Variants in SHROOM4 observed in about 807,000 individuals in gnomAD.
SHROOM4 encodes the protein protein Shroom4.
A neutral mutation model predicts 80.3 loss-of-function variants in SHROOM4; 17 were observed. The ratio of observed to expected loss-of-function variants is 0.21; its 90% CI spans 0.14 to 0.32. The LOEUF is 0.32. Among genes scored for constraint, SHROOM4 ranks in the 10% least tolerant of loss-of-function variants. The probability of loss-of-function intolerance (pLI) is 1.00; values close to 1 mark genes in which losing one functional copy is unlikely to be tolerated. For synonymous variants in SHROOM4, 400 were observed against 437.5 expected (o/e 0.91, Z 1.07); for missense variants, 993 against 1,140.3 (o/e 0.87, Z 1.86).
intron 5 of SHROOM4, among the ~76,000 whole-genome samples, chrX:50,613,519 ATTAG>A (rs782016096): frequency 3.6e-5 from 4 of 112,476 alleles, no homozygotes; most frequent in South Asian, 7.4e-4. Context: ...AGATGCAACA[ATTAG>A]TTAGAATATA....
At chrX:50,642,387 G>A (rs1557257306) in intron 2 of SHROOM4, among the ~76,000 whole-genome samples, 1 of 112,181 alleles carries the variant, frequency 8.9e-6, no homozygotes, top group East Asian at 2.8e-4. Context: ...GATGTGCCAG[G>A]CACTAAGCAT....
At chrX:50,706,538 T>C (rs1310614919) in intron 1 of SHROOM4, among the ~76,000 whole-genome samples, 1 of 112,027 alleles carries the variant, frequency 8.9e-6, no homozygotes, top group Non-Finnish European at 1.9e-5. Flanking sequence ...ATATTTTCAC[T>C]TTGTTTTTCA....
intron 1 of SHROOM4, among the ~76,000 whole-genome samples, chrX:50,735,920 T>G (rs1267344348): frequency 6.5e-5 from 7 of 107,048 alleles, no homozygotes; most frequent in Non-Finnish European, 1.2e-4. Context: ...GGCAGGAGAA[T>G]AGCTTGAACC....
chrX:50,754,725 A>G (rs1181264296), intron 1 of SHROOM4, among the ~76,000 whole-genome samples: 1 of 111,881 alleles, frequency 8.9e-6, no homozygotes, highest in African/African-American at 3.2e-5. Context: ...AAAGAGATTA[A>G]CCCACTATCC....
At chrX:50,688,245 T>A (rs958666861) in intron 2 of SHROOM4, among the ~76,000 whole-genome samples, 9 of 111,119 alleles carry the variant, frequency 8.1e-5, no homozygotes, top group Non-Finnish European at 1.3e-4. Flanking sequence ...TATATACATA[T>A]ATGTATGTAT....
intron 1 of SHROOM4, among the ~76,000 whole-genome samples, chrX:50,714,040 T>G (rs1557264618): frequency 8.9e-6 from 1 of 112,087 alleles, no homozygotes; most frequent in Non-Finnish European, 1.9e-5. Flanking sequence ...ATATGCTTAT[T>G]GAGTTTTCCC....
In SHROOM4 at chrX:50,638,156, G is replaced by C. The variant is rs1175044355; in HGVS notation, c.404+18C>G. 8.3e-7 allele frequency: 1 copy of C among 1,199,019 alleles called. No homozygotes were observed. Among genetic ancestry groups the C allele is most frequent in the Non-Finnish European group, 1.1e-6 (1 of 889,380 alleles). Reference sequence around the variant, plus strand: ...GTCTACCCTCCAGCCTGTCTTGAGGGGAGGGCTCTAGACTCACCTTGTGTT... The same window carrying C: ...GTCTACCCTCCAGCCTGTCTTGAGGCGAGGGCTCTAGACTCACCTTGTGTT... On this transcript the variant is annotated intron_variant, in intron 3 of 8. Coordinates refer to ENST00000376020, the MANE Select transcript of SHROOM4 (RefSeq NM_020717.5).
rs1222409540 is a variant in SHROOM4, at chrX:50,592,110, T to C, written c.*4585A>G. The C allele has an allele frequency of 9.1e-6, 3 of 328,134 alleles. No homozygotes were observed. Among genetic ancestry groups the C allele is most frequent in the Non-Finnish European group, 1.2e-5 (2 of 169,892 alleles). 27.0% of individuals were successfully genotyped at this position (328,134 alleles called of 1,213,427 possible). A position where few individuals can be genotyped will look rare whatever the true frequency, so the allele number is the denominator to read the frequency against. ...ACTTTCCTAAATTCATCCAGGCAGGTAGTTGTGAGCAACACGAGAAGAGCA... is the reference window on the plus strand; with the variant it reads ...ACTTTCCTAAATTCATCCAGGCAGGCAGTTGTGAGCAACACGAGAAGAGCA... On this transcript the variant is annotated 3_prime_UTR_variant, in exon 9 of 9. Transcript: ENST00000376020.
At chrX:50,578,688 C>T in the SHROOM4 span, among the ~76,000 whole-genome samples, 3 of 111,903 alleles carry the variant, frequency 2.7e-5, no homozygotes, top group African/African-American at 6.5e-5. Flanking sequence ...GATCCACCCA[C>T]CTCGGCCTCC....
chrX:50,607,837 G>A lies in SHROOM4; in HGVS notation c.3305C>T (p.Pro1102Leu). 8.3e-7 allele frequency: 1 copy of A among 1,209,823 alleles called. No individual in the cohort carries two copies. Among genetic ancestry groups the A allele is most frequent in the Non-Finnish European group, 1.1e-6 (1 of 894,361 alleles). Residue 1102 changes from proline to leucine, a missense_variant, in exon 6 of 9, where the codon CCT becomes CTT. Physicochemically the swap from Pro to Leu is moderately conservative, Grantham distance 98. Transcript: ENST00000376020. ...LGARKKAFPP[P>L]RPPPPNWEKY... is the part of the protein sequence containing the mutation. ...CTCCCAGTTGGGAGGAGGAGGGCGA[G>A]GAGGAGGAAAGGCCTTCTTCCTGGC...
chrX:50,680,495 CCTCT>C (rs782515722), intron 2 of SHROOM4, among the ~76,000 whole-genome samples: 2 of 110,874 alleles, frequency 1.8e-5, no homozygotes, highest in Admixed American at 9.6e-5. Context: ...TTTTTCACTC[CCTCT>C]CTCTCTAGAC....
intron 1 of SHROOM4, among the ~76,000 whole-genome samples, chrX:50,741,922 C>A (rs1040368333): frequency 1.8e-5 from 2 of 110,310 alleles, no homozygotes; most frequent in African/African-American, 3.3e-5. Context: ...ACTTTCAATC[C>A]TATTTATATG....
At chrX:50,782,306 C>T (rs1935644627) in intron 1 of SHROOM4, among the ~76,000 whole-genome samples, 1 of 106,068 alleles carries the variant, frequency 9.4e-6, no homozygotes, top group African/African-American at 3.8e-5. Context: ...CTATATAAAC[C>T]ATTTTTTTTA....
At chrX:50,693,292 C>A (rs1222083957) in intron 2 of SHROOM4, among the ~76,000 whole-genome samples, 2 of 110,911 alleles carry the variant, frequency 1.8e-5, no homozygotes, top group Non-Finnish European at 3.8e-5. Flanking sequence ...TTTGGCCGGG[C>A]GCAGTGCCTT....
intron 2 of SHROOM4, among the ~76,000 whole-genome samples, chrX:50,676,660 T>C (rs1557261333): frequency 9.0e-6 from 1 of 111,418 alleles, no homozygotes; most frequent in African/African-American, 3.3e-5. Flanking sequence ...CTTTAGCTAT[T>C]ATGATAGGAT....
chrX:50,662,137 G>A (rs140787549), intron 2 of SHROOM4, among the ~76,000 whole-genome samples: 1 of 110,969 alleles, frequency 9.0e-6, no homozygotes, highest in Non-Finnish European at 1.9e-5. Context: ...CTGTTCTAGG[G>A]TATATCTGTG....
Position 50,786,393 on chromosome X carries a change from T to A in SHROOM4, c.117+27509A>T, listed in dbSNP as rs113612704. ...GAGCCAGCAGATGAAAATCCCTAGC[T>A]CCTATCTTCTCTCTGGTGAGGAAAG... On this transcript the variant is annotated intron_variant, in intron 1 of 8. Coordinates refer to ENST00000376020, the MANE Select transcript of SHROOM4 (RefSeq NM_020717.5). Among the ~76,000 whole-genome samples, 688 of 111,776 alleles carry A rather than the reference T, an allele frequency of 6.2e-3. 9 individuals are homozygous for A. Among genetic ancestry groups the A allele is most frequent in the African/African-American group, 0.021 (650 of 30,757 alleles).
chrX:50,750,185 C>G (rs782469820), intron 1 of SHROOM4, among the ~76,000 whole-genome samples: 1 of 112,234 alleles, frequency 8.9e-6, no homozygotes, highest in Admixed American at 9.4e-5. Context: ...TGCCAGCTCA[C>G]CTGGCCAACA....
At chrX:50,731,078 G>A (rs1427562045) in intron 1 of SHROOM4, among the ~76,000 whole-genome samples, 1 of 110,765 alleles carries the variant, frequency 9.0e-6, no homozygotes, top group African/African-American at 3.3e-5. Context: ...ATATTATTGG[G>A]AGATTGAGTT....
Sources: allele counts gnomAD v4.1 joint callset (sites outside exome capture counted in the v4.1 genomes callset), GRCh38; gene constraint gnomAD v4.1.1; transcripts MANE v1.5; gene names NCBI Gene and HGNC (gene_info 2026-07-23, HGNC 2026-07-21).